MATK: variants seen among roughly 807,000 people sequenced by gnomAD.
MATK encodes megakaryocyte-associated tyrosine-protein kinase.
MATK carries 41 observed loss-of-function variants against 59.8 expected under a neutral mutation model. The ratio of observed to expected loss-of-function variants is 0.69; its 90% CI spans 0.53 to 0.89. MATK has a LOEUF of 0.89. MATK is among the 40% of genes least tolerant of loss of function. MATK has a pLI of 0.00. For missense variants in MATK, 593 were observed against 719.6 expected, an observed-to-expected ratio of 0.82 and a Z score of 2.01; for synonymous variants, 308 against 306.1, an observed-to-expected ratio of 1.01 and a Z score of -0.06.
chr19:3,787,258 G>A (rs921665428), upstream of MATK, among the ~76,000 whole-genome samples: 2 of 151,936 alleles, frequency 1.3e-5, no homozygotes, highest in South Asian at 2.1e-4. Context: ...TCAGCCTCCC[G>A]TGTAGCTGGG....
upstream of MATK, chr19:3,789,214 A>G (rs1002512717): frequency 1.3e-6 from 1 of 742,166 alleles, no homozygotes; most frequent in African/African-American, 1.7e-5. Context: ...TGCCTGAACT[A>G]GAAGTGTTAA....
At chr19:3,780,190 G>A (rs914903155) in intron 8 of MATK, among the ~76,000 whole-genome samples, 1 of 152,022 alleles carries the variant, frequency 6.6e-6, no homozygotes, top group East Asian at 2.0e-4. Context: ...TGAGGCAGGA[G>A]AATCACTTGA....
intron 1 of MATK, among the ~76,000 whole-genome samples, chr19:3,791,594 C>T (rs1026256513): frequency 6.6e-6 from 1 of 152,004 alleles, no homozygotes; most frequent in Admixed American, 6.6e-5. Flanking sequence ...CTGCCCGCCT[C>T]GGCATCCCAA....
chr19:3,780,644 G>A (rs911451422), intron 8 of MATK, among the ~76,000 whole-genome samples: 3 of 149,452 alleles, frequency 2.0e-5, no homozygotes, highest in African/African-American at 7.4e-5. Flanking sequence ...ATGTTAGCCA[G>A]GATGGTCTCG....
In MATK at chr19:3,779,680, C is replaced by T. The variant is rs541225285; in HGVS notation, c.842+18G>A. 6.2e-7 allele frequency: 1 copy of T among 1,611,902 alleles called. No homozygotes were observed. The highest frequency in any genetic ancestry group is 1.3e-5 in the African/African-American group (1 of 74,982). ...ACCCCCCCCGTCCCACGGTCCCCAG[C>T]CCCACCCTGGGACTCACGTCATGAC... On this transcript the variant is annotated intron_variant, in intron 9 of 13. Coordinates refer to ENST00000310132, the MANE Select transcript of MATK (RefSeq NM_139355.3).
Position 3,784,397 on chromosome 19 carries a change from TG to T in MATK, c.186del (p.Lys63SerfsTer98). ...QCITKCEHTR[P>X]KPGELAFRKG... is the part of the protein sequence containing the mutation. ...TTGCGGAAGGCCAGCTCCCCTGGCT[TG>T]GGGCGGGTGTGCTCGCATTTGGTGA... is the stretch of plus-strand genomic sequence containing the variant. On this transcript the variant is annotated frameshift_variant, in exon 4 of 14. Coordinates refer to ENST00000310132, the MANE Select transcript of MATK (RefSeq NM_139355.3). LOFTEE classifies it high-confidence loss of function. 2 of 1,605,778 alleles carry T rather than the reference TG, an allele frequency of 1.2e-6. No individual in the cohort carries two copies.
At chr19:3,781,176 A>T (rs995149339) in intron 8 of MATK, among the ~76,000 whole-genome samples, 1 of 151,980 alleles carries the variant, frequency 6.6e-6, no homozygotes, top group Non-Finnish European at 1.5e-5. Flanking sequence ...GGTCGCTTTC[A>T]CTCCACAAGG....
At chr19:3,787,106 C>T (rs1599203156), upstream of MATK, among the ~76,000 whole-genome samples, 1 of 152,200 alleles carries the variant, frequency 6.6e-6, no homozygotes, top group East Asian at 1.9e-4. Flanking sequence ...AATCTGCTTT[C>T]ACCCAATGCA....
chr19:3,787,377 T>TG, upstream of MATK: 1 of 150,708 alleles, frequency 6.6e-6, no homozygotes, highest in African/African-American at 2.4e-5. Context: ...TTGGCCACTT[T>TG]GCCTTTTTTT....
upstream of MATK, among the ~76,000 whole-genome samples, chr19:3,787,996 C>T (rs2037504411): frequency 6.6e-6 from 1 of 150,990 alleles, no homozygotes; most frequent in Admixed American, 6.6e-5. Context: ...TGCCTGGGCT[C>T]AAGCGAACCT....
At chr19:3,790,745 C>A (rs928131403), upstream of MATK, among the ~76,000 whole-genome samples, 1 of 152,230 alleles carries the variant, frequency 6.6e-6, no homozygotes, top group Non-Finnish European at 1.5e-5. Flanking sequence ...GCTCACTCTC[C>A]CACACACAAC....
upstream of MATK, chr19:3,789,376 C>T (rs770338389): frequency 1.4e-6 from 1 of 732,904 alleles, no homozygotes; most frequent in Non-Finnish European, 2.6e-6. Context: ...GCTCTAGCAC[C>T]CCATGAAGAC....
intron 1 of MATK, among the ~76,000 whole-genome samples, chr19:3,797,239 C>G (rs1392941538): frequency 1.8e-5 from 1 of 54,828 alleles, no homozygotes; most frequent in Non-Finnish European, 5.1e-5. Flanking sequence ...TTCCCCCCCA[C>G]CCCCCCACTT....
At chr19:3,782,978 G>A (rs762392031) in intron 7 of MATK, 148 bp downstream of exon 7, 6 of 665,052 alleles carry the variant, frequency 9.0e-6, no homozygotes, top group African/African-American at 3.6e-5. Flanking sequence ...GGGCACCCCC[G>A]AGGCAGCCCA....
intron 8 of MATK, 115 bp from the exon 9 acceptor site, chr19:3,779,912 G>A (rs559416572): frequency 1.7e-5 from 12 of 706,674 alleles, no homozygotes; most frequent in Admixed American, 1.4e-4. Context: ...ACACAGCTGC[G>A]GGTCCCCAGA....
At chr19:3,789,133 C>A, upstream of MATK, 1 of 571,230 alleles carries the variant, frequency 1.8e-6, no homozygotes. Flanking sequence ...CCAGAAAGGG[C>A]TGGGGACGCT....
chr19:3,791,919 C>A (rs1026622224), intron 1 of MATK, among the ~76,000 whole-genome samples: 7 of 151,978 alleles, frequency 4.6e-5, no homozygotes, highest in Non-Finnish European at 8.8e-5. Context: ...ACCAGCCTGG[C>A]CAACATGGCA....
Position 3,785,211 on chromosome 19 carries a change from C to G in MATK, c.-76G>C. ...CACAGTCGGGGACGCTGGGAATGGC[C>G]TGCCACAGGCCAGTCGGCTGGCACA... On this transcript the variant is annotated 5_prime_UTR_variant, in exon 2 of 14. Coordinates refer to ENST00000310132, the MANE Select transcript of MATK (RefSeq NM_139355.3). The G allele has an allele frequency of 1.2e-6, 2 of 1,607,306 alleles. No homozygotes were observed. The highest frequency in any genetic ancestry group is 1.3e-5 in the African/African-American group (1 of 74,972).
At chr19:3,791,349 C>A (rs563513100), upstream of MATK, among the ~76,000 whole-genome samples, 64 of 149,918 alleles carry the variant, frequency 4.3e-4, no homozygotes, top group Admixed American at 4.7e-4. Context: ...CACCTCCCCC[C>A]ACTTTTTTTT....
Sources: gnomAD v4.1 joint callset for allele counts (sites outside exome capture counted in the v4.1 genomes callset) on GRCh38, gnomAD v4.1.1 for gene constraint, MANE v1.5 for transcripts, NCBI Gene and HGNC (gene_info 2026-07-23, HGNC 2026-07-21) for gene names.